Variants in SNTG1 observed in about 807,000 individuals in gnomAD.
SNTG1 encodes the protein syntrophin gamma 1.
A neutral mutation model predicts 74.7 loss-of-function variants in SNTG1; 39 were observed. That is an observed-to-expected ratio of 0.52 (90% CI 0.40 to 0.68). The LOEUF is 0.68. SNTG1 is among the 30% of genes least tolerant of loss of function. SNTG1 has a pLI of 0.00. For synonymous variants in SNTG1, 254 were observed against 217.1 expected, an observed-to-expected ratio of 1.17 and a Z score of -1.49; for missense variants, 685 against 609.5, an observed-to-expected ratio of 1.12 and a Z score of -1.30.
chr8:50,329,845 A>C lies in SNTG1; in HGVS notation c.-27-64367A>C, dbSNP rs545879979. ...TTTCTATTGCATCGTCAGGTTGCAA[A>C]TTTTCCAAACTTTTATGCTCTGCTT... On this transcript the variant is annotated intron_variant, in intron 2 of 18. Coordinates refer to ENST00000642720, the MANE Select transcript of SNTG1 (RefSeq NM_018967.5). Among the ~76,000 whole-genome samples, 192 of 151,992 alleles carry C rather than the reference A, an allele frequency of 1.3e-3. No homozygotes were observed. In the Middle Eastern group the frequency reaches 0.024, roughly 19 times the overall value.
chr8:50,695,442 TGAAG>T (rs1422610113), intron 15 of SNTG1, among the ~76,000 whole-genome samples: 8 of 152,026 alleles, frequency 5.3e-5, no homozygotes, highest in African/African-American at 1.9e-4. Flanking sequence ...TATTCCTAAA[TGAAG>T]GAATTATGAG....
chr8:50,076,742 T>A (rs532301413), intron 1 of SNTG1, among the ~76,000 whole-genome samples: 1 of 152,130 alleles, frequency 6.6e-6, no homozygotes, highest in Non-Finnish European at 1.5e-5. Flanking sequence ...GTTGAGTTCC[T>A]TGGAAAAAAA....
intron 13 of SNTG1, among the ~76,000 whole-genome samples, chr8:50,629,055 T>G (rs1036217469): frequency 3.9e-5 from 6 of 152,132 alleles, no homozygotes; most frequent in Non-Finnish European, 8.8e-5. Flanking sequence ...AGAATAGTAG[T>G]TGCCAGAGCC....
At chr8:50,430,470 G>A (rs780741295) in intron 4 of SNTG1, among the ~76,000 whole-genome samples, 16 of 151,980 alleles carry the variant, frequency 1.1e-4, no homozygotes, top group Admixed American at 7.2e-4. Flanking sequence ...TCCACCACCC[G>A]TTTACTTGTT....
chr8:50,113,391 T>C (rs2080681795), intron 1 of SNTG1, among the ~76,000 whole-genome samples: 1 of 151,756 alleles, frequency 6.6e-6, no homozygotes, highest in South Asian at 2.1e-4. Context: ...TCATGTCTTT[T>C]ATTGGTTTAT....
At chr8:50,592,670 ATTCATCATTT>A (rs1016495383) in intron 13 of SNTG1, among the ~76,000 whole-genome samples, 1 of 151,740 alleles carries the variant, frequency 6.6e-6, no homozygotes, top group African/African-American at 2.4e-5. Flanking sequence ...GTTCATTAGT[ATTCATCATTT>A]TTATTTGCTA....
At chr8:50,129,252 C>T (rs2131391706) in intron 1 of SNTG1, among the ~76,000 whole-genome samples, 2 of 152,058 alleles carry the variant, frequency 1.3e-5, no homozygotes, top group South Asian at 4.2e-4. Flanking sequence ...ACACACGCTG[C>T]CCGATCATTC....
At chr8:50,341,022 G>T (rs1424284413) in intron 2 of SNTG1, among the ~76,000 whole-genome samples, 1 of 151,848 alleles carries the variant, frequency 6.6e-6, no homozygotes, top group Non-Finnish European at 1.5e-5. Context: ...AGTTACAAAT[G>T]AAAACAAAGA....
intron 1 of SNTG1, among the ~76,000 whole-genome samples, chr8:50,028,502 G>A (rs921800850): frequency 1.3e-4 from 19 of 149,892 alleles, no homozygotes; most frequent in African/African-American, 4.2e-4. Flanking sequence ...TGATATGGCC[G>A]TTGCAGGTGT....
chr8:50,782,533 T>C (rs148666504), intron 18 of SNTG1, among the ~76,000 whole-genome samples: 8,950 of 152,318 alleles, frequency 0.059, 305 homozygotes, highest in Non-Finnish European at 0.074. Flanking sequence ...ACATAGTTCT[T>C]GAGCCTTGGC....
At chr8:49,955,360 G>A (rs1810060235) in intron 1 of SNTG1, among the ~76,000 whole-genome samples, 1 of 152,182 alleles carries the variant, frequency 6.6e-6, no homozygotes, top group African/African-American at 2.4e-5. Context: ...CTGGCTCGAT[G>A]GCAGGCTGTC....
intron 2 of SNTG1, among the ~76,000 whole-genome samples, chr8:50,346,595 C>T (rs1429120810): frequency 1.3e-5 from 2 of 152,226 alleles, no homozygotes; most frequent in Non-Finnish European, 2.9e-5. Flanking sequence ...ATGAGAAAGG[C>T]ATGTGAAAAG....
In SNTG1 at chr8:50,530,296, G is replaced by A. The variant is rs771830441; in HGVS notation, c.549+37G>A. 22 of 1,585,126 alleles carry A rather than the reference G, an allele frequency of 1.4e-5. No homozygotes were observed. The African/African-American group carries it at 2.7e-4, about 19-fold the overall frequency. ...CAGGCATAGCTCAGATTAATAAGGA[G>A]ATAACACATAGCTTATAAAAACTGC... On this transcript the variant is annotated intron_variant, in intron 10 of 18. Transcript: ENST00000642720.
intron 13 of SNTG1, among the ~76,000 whole-genome samples, chr8:50,623,679 A>T (rs1198525640): frequency 6.6e-6 from 1 of 151,262 alleles, no homozygotes; most frequent in Non-Finnish European, 1.5e-5. Flanking sequence ...ATCATGAAGT[A>T]TTTGAAAATA....
intron 2 of SNTG1, among the ~76,000 whole-genome samples, chr8:50,349,578 T>C (rs1040987155): frequency 2.6e-5 from 4 of 152,218 alleles, no homozygotes; most frequent in African/African-American, 9.6e-5. Flanking sequence ...TATTCTTTTT[T>C]TTACATATTT....
chr8:50,469,704 C>A (rs2093636553), intron 8 of SNTG1, among the ~76,000 whole-genome samples: 1 of 152,148 alleles, frequency 6.6e-6, no homozygotes, highest in Non-Finnish European at 1.5e-5. Context: ...TTATTGCAGG[C>A]ATGGTGGCTC....
chr8:50,599,508 C>CT (rs558719483), intron 13 of SNTG1, among the ~76,000 whole-genome samples: 22 of 151,984 alleles, frequency 1.4e-4, no homozygotes, highest in East Asian at 1.2e-3. Context: ...AAATGTCTTT[C>CT]TTTTTTTGCA....
At chr8:50,178,252 T>C (rs907387893) in intron 2 of SNTG1, among the ~76,000 whole-genome samples, 1 of 152,312 alleles carries the variant, frequency 6.6e-6, no homozygotes, top group African/African-American at 2.4e-5. Flanking sequence ...TTTTCCAATG[T>C]GGCAAAACCA....
intron 1 of SNTG1, among the ~76,000 whole-genome samples, chr8:50,084,427 TC>T (rs1822690957): frequency 6.6e-6 from 1 of 152,030 alleles, no homozygotes; most frequent in Non-Finnish European, 1.5e-5. Flanking sequence ...ACCACTGCAC[TC>T]CAGCCTGGTG....
Sources: allele counts gnomAD v4.1 joint callset (sites outside exome capture counted in the v4.1 genomes callset), GRCh38; gene constraint gnomAD v4.1.1; transcripts MANE v1.5; gene names NCBI Gene and HGNC (gene_info 2026-07-23, HGNC 2026-07-21).